The following ID4 variants were observed in gnomAD, a reference collection of about 807,000 sequenced individuals.
ID4 encodes inhibitor of DNA binding 4, also known as DNA-binding protein inhibitor ID-4.
Under a neutral mutation model 8.6 loss-of-function variants are expected in ID4, and 9 were observed. The observed-to-expected ratio is 1.04, with a 90% confidence interval of 0.63 to 1.82. The LOEUF (loss-of-function observed/expected upper bound fraction) is 1.82. ID4 is among the 40% of genes most tolerant of loss of function. The probability of loss-of-function intolerance (pLI) is 0.00; values close to 1 mark genes in which losing one functional copy is unlikely to be tolerated. For synonymous variants in ID4, 180 were observed against 118.0 expected (o/e 1.53, Z -3.41); for missense variants, 270 against 235.1 (o/e 1.15, Z -0.97).
chr6:19,840,776 T>G lies in ID4; in HGVS notation c.*1581T>G, dbSNP rs1314661744. On this transcript the variant is annotated 3_prime_UTR_variant, in exon 3 of 3. Transcript: ENST00000378700. ...CTTAAGGAAGGTAATATTTTCTAGG[T>G]TAGATAGGACTATCAGGGTTTGTGA... 3.3e-5 allele frequency: 5 copies of G among 152,140 alleles called. No homozygotes were observed. Among genetic ancestry groups the G allele is most frequent in the African/African-American group, 4.8e-5 (2 of 41,448 alleles). The allele number at this position is 152,140 out of a possible 1,614,324, so 9.4% of individuals were successfully genotyped here. A position where few individuals can be genotyped will look rare whatever the true frequency, so the allele number is the denominator to read the frequency against.
chr6:19,839,036 T>C (rs886173016), intron 2 of ID4, 174 bp from the exon 3 acceptor site: 2 of 204,006 alleles, frequency 9.8e-6, no homozygotes, highest in Admixed American at 5.5e-5. Flanking sequence ...TCTCCGGGCT[T>C]CCCGAGGGCC....
In ID4 at chr6:19,837,719, A is replaced by G; in HGVS notation, c.-36A>G. 1 of 1,103,254 alleles carries G rather than the reference A, an allele frequency of 9.1e-7. No homozygotes were observed. The highest frequency in any genetic ancestry group is 1.1e-6 in the Non-Finnish European group (1 of 905,244). 68.3% of individuals were successfully genotyped at this position (1,103,254 alleles called of 1,614,324 possible). On this transcript the variant is annotated 5_prime_UTR_variant, in exon 1 of 3. Coordinates refer to ENST00000378700, the MANE Select transcript of ID4 (RefSeq NM_001546.4). ...CTTGCCTGCCTCCCTCGCTCGCCCC[A>G]GCGGGTTCGCTCGCGTAGAGCGCAG...
At position 19,837,557 on chromosome 6, in the gene ID4, C is replaced by G. The variant is rs1293819786; in HGVS notation, c.-198C>G. The G allele has an allele frequency of 1.4e-4, 33 of 244,434 alleles. No homozygotes were observed. The highest frequency in any genetic ancestry group is 7.6e-4 in the African/African-American group (33 of 43,178). The allele number at this position is 244,434 out of a possible 1,614,324, so 15.1% of individuals were successfully genotyped here. On this transcript the variant is annotated 5_prime_UTR_variant, in exon 1 of 3. Coordinates refer to ENST00000378700, the MANE Select transcript of ID4 (RefSeq NM_001546.4). ...TCCTTTGGGCTCGGGCTGAGTGTCG[C>G]CCACTGAGCAAAGATTCCCTCGTAA...
chr6:19,837,602 G>C lies in ID4; in HGVS notation c.-153G>C. On this transcript the variant is annotated 5_prime_UTR_variant, in exon 1 of 3. Coordinates refer to ENST00000378700, the MANE Select transcript of ID4 (RefSeq NM_001546.4). ...TCGTAAAACCCAGAGCGACCCTCCC[G>C]TCAATTGTTGGGCTCGGGAGTGTCG... 2.9e-6 allele frequency: 1 copy of C among 348,434 alleles called. No homozygotes were observed. Among genetic ancestry groups the C allele is most frequent in the Admixed American group, 5.8e-5 (1 of 17,274 alleles). 21.6% of individuals were successfully genotyped at this position (348,434 alleles called of 1,614,324 possible). A position where few individuals can be genotyped will look rare whatever the true frequency, so the allele number is the denominator to read the frequency against.
Position 19,838,034 on chromosome 6 carries a change from C to T in ID4, c.280C>T (p.Leu94=), listed in dbSNP as rs1428718491. ...PNKKVSKVEI[L]QHVIDYILDL... is the part of the protein sequence containing the mutation. ...CAAGAAAGTCAGCAAAGTGGAGATCCTGCAGCACGTTATCGACTACATCCT... is the reference window on the plus strand; with the variant it reads ...CAAGAAAGTCAGCAAAGTGGAGATCTTGCAGCACGTTATCGACTACATCCT... Residue 94 remains leucine, a synonymous_variant, in exon 1 of 3, where the codon CTG becomes TTG. Transcript: ENST00000378700. 8 of 1,606,524 alleles carry T rather than the reference C, an allele frequency of 5.0e-6. No homozygotes were observed. The highest frequency in any genetic ancestry group is 2.2e-5 in the East Asian group (1 of 44,464).
Position 19,838,119 on chromosome 6 carries a change from C to G in ID4, c.365C>G (p.Ala122Gly), listed in dbSNP as rs769162564. The change falls in exon 1 of 3, where the codon GCG becomes GGG. Residue 122 changes from alanine to glycine, a missense_variant. This residue lies in a region of ID4 where 107 missense variants were observed against 81.0 expected (regional missense o/e 1.32). Coordinates refer to ENST00000378700, the MANE Select transcript of ID4 (RefSeq NM_001546.4). ...CTGCTGAGGCAGCCACCACCGCCCGCGCCGCCACACCACCCGGCCGGGACC... is the reference window on the plus strand; with the variant it reads ...CTGCTGAGGCAGCCACCACCGCCCGGGCCGCCACACCACCCGGCCGGGACC... ...PALLRQPPPP[A>G]PPHHPAGTCP... 1.3e-4 allele frequency: 203 copies of G among 1,585,026 alleles called. No homozygotes were observed. Among genetic ancestry groups the G allele is most frequent in the Admixed American group, 6.0e-4 (34 of 56,418 alleles).
Position 19,840,013 on chromosome 6 carries a change from AGATGTT to A in ID4, c.*819_*824del, listed in dbSNP as rs1761325353. On this transcript the variant is annotated 3_prime_UTR_variant, in exon 3 of 3. Coordinates refer to ENST00000378700, the MANE Select transcript of ID4 (RefSeq NM_001546.4). ...GCTAGTGGTCTTGCATGATTGCATG[AGATGTT>A]TAATCACAAATTAAACTTGTTCTGA... 6.6e-6 allele frequency: 1 copy of A among 152,558 alleles called. No homozygotes were observed. The highest frequency in any genetic ancestry group is 2.1e-4 in the South Asian group (1 of 4,836). 9.5% of individuals were successfully genotyped at this position (152,558 alleles called of 1,614,324 possible).
intron 2 of ID4, 125 bp from the exon 3 acceptor site, chr6:19,839,085 G>A (rs969781470): frequency 9.5e-6 from 2 of 211,588 alleles, no homozygotes; most frequent in Non-Finnish European, 1.9e-5. Context: ...CCGCGGGCGG[G>A]TGTTGTCTGA....
chr6:19,840,924 CTGTT>C lies in ID4; in HGVS notation c.*1732_*1735del, dbSNP rs1581596967. Among the ~76,000 whole-genome samples, 3 of 152,100 alleles carry C rather than the reference CTGTT, an allele frequency of 2.0e-5. No homozygotes were observed. Among genetic ancestry groups the C allele is most frequent in the South Asian group, 2.1e-4 (1 of 4,822 alleles). ...TAGTCAACTGTGTGTATAACGTGGT[CTGTT>C]TGATTTTTAAAAGGAAAGGATTTGT... On this transcript the variant is annotated 3_prime_UTR_variant, in exon 3 of 3. Coordinates refer to ENST00000378700, the MANE Select transcript of ID4 (RefSeq NM_001546.4).
rs200906524 is a variant in ID4, at chr6:19,838,575, C to G, written c.442-9C>G. 2 of 1,613,996 alleles carry G rather than the reference C, an allele frequency of 1.2e-6. No individual in the cohort carries two copies. Among genetic ancestry groups the G allele is most frequent in the Admixed American group, 1.7e-5 (1 of 60,030 alleles). On this transcript the variant is annotated splice_polypyrimidine_tract_variant and intron_variant, in intron 1 of 2. Coordinates refer to ENST00000378700, the MANE Select transcript of ID4 (RefSeq NM_001546.4). ...TAACCTTTCCCTTGGTGTTCGGTTG[C>G]TGTTCCAGGCCGGCGCGGTGAACAA...
Position 19,840,145 on chromosome 6 carries a change from T to C in ID4, c.*950T>C, listed in dbSNP as rs1478427194. ...ATCAGTTTTTAAGTACAGGGTTTTA[T>C]AGTGTAATATATACAGAGTAAGTGT... is the stretch of plus-strand genomic sequence containing the variant. On this transcript the variant is annotated 3_prime_UTR_variant, in exon 3 of 3. Coordinates refer to ENST00000378700, the MANE Select transcript of ID4 (RefSeq NM_001546.4). 3.3e-5 allele frequency: 5 copies of C among 152,652 alleles called. No individual in the cohort carries two copies. 9.5% of individuals were successfully genotyped at this position (152,652 alleles called of 1,614,324 possible).
chr6:19,839,797 T>C lies in ID4; in HGVS notation c.*602T>C, dbSNP rs1761320396. 6.6e-6 allele frequency: 1 copy of C among 152,214 alleles called. No individual in the cohort carries two copies. The highest frequency in any genetic ancestry group is 6.5e-5 in the Admixed American group (1 of 15,278). 9.4% of individuals were successfully genotyped at this position (152,214 alleles called of 1,614,324 possible). A position where few individuals can be genotyped will look rare whatever the true frequency, so the allele number is the denominator to read the frequency against. The stretch of plus-strand genomic sequence containing the variant: ...TTTAATAGATACTGTAATTATAAGA[T>C]ATTTTTAATTAAATATTTTTTTGTA... On this transcript the variant is annotated 3_prime_UTR_variant, in exon 3 of 3. Transcript: ENST00000378700.
chr6:19,837,930 A>T lies in ID4; in HGVS notation c.176A>T (p.Glu59Val). 1.4e-6 allele frequency: 2 copies of T among 1,472,144 alleles called. No individual in the cohort carries two copies. Among genetic ancestry groups the T allele is most frequent in the Non-Finnish European group, 1.8e-6 (2 of 1,106,400 alleles). The allele number at this position is 1,472,144 out of a possible 1,614,324, so 91.2% of individuals were successfully genotyped here. Residue 59 changes from glutamate to valine, a missense_variant, in exon 1 of 3, where the codon GAG (glutamate) becomes GTG (valine). Transcript: ENST00000378700. ...AAGGCGGCCGAGGCGGCGGCCGACG[A>T]GCCGGCGCTGTGCCTGCAGTGCGAT... The part of the protein sequence containing the change: ...RCKAAEAAAD[E>V]PALCLQCDMN...
At position 19,839,437 on chromosome 6, in the gene ID4, A is replaced by G. The variant is rs1459596688; in HGVS notation, c.*242A>G. 6.6e-6 allele frequency: 1 copy of G among 152,576 alleles called. No homozygotes were observed. Among genetic ancestry groups the G allele is most frequent in the East Asian group, 1.9e-4 (1 of 5,190 alleles). 9.5% of individuals were successfully genotyped at this position (152,576 alleles called of 1,614,324 possible). A position where few individuals can be genotyped will look rare whatever the true frequency, so the allele number is the denominator to read the frequency against. ...ATTCTCTTTTGTCTCTTCATTTATA[A>G]CTGCTGTGAATTGTACATTTCTGTG... On this transcript the variant is annotated 3_prime_UTR_variant, in exon 3 of 3. Coordinates refer to ENST00000378700, the MANE Select transcript of ID4 (RefSeq NM_001546.4).
In ID4 at chr6:19,838,174, C is replaced by T; in HGVS notation, c.420C>T (p.Leu140=). The T allele has an allele frequency of 6.7e-7, 1 of 1,491,060 alleles. No individual in the cohort carries two copies. The highest frequency in any genetic ancestry group is 8.9e-7 in the Non-Finnish European group (1 of 1,120,298). 92.4% of individuals were successfully genotyped at this position (1,491,060 alleles called of 1,614,324 possible). Residue 140 remains leucine, a synonymous_variant, in exon 1 of 3, where the codon CTC becomes CTT. Transcript: ENST00000378700. ...CAGCCGCGCCGCCGCGGACCCCGCT[C>T]ACTGCGCTCAACACCGACCCGGTGA... ...TCPAAPPRTP[L]TALNTDPAGA...
chr6:19,838,455 C>T (rs1462966715), intron 1 of ID4, 129 bp from the exon 2 acceptor site: 14 of 1,233,382 alleles, frequency 1.1e-5, no homozygotes, highest in Non-Finnish European at 1.5e-5. Flanking sequence ...CCCGGAGGGG[C>T]CCCCCCGGCT....
At position 19,840,213 on chromosome 6, in the gene ID4, A is replaced by AT. The variant is rs1274709156; in HGVS notation, c.*1022dup. The AT allele has an allele frequency of 6.6e-6, 1 of 152,504 alleles. No individual in the cohort carries two copies. Among genetic ancestry groups the AT allele is most frequent in the African/African-American group, 2.4e-5 (1 of 41,398 alleles). 9.4% of individuals were successfully genotyped at this position (152,504 alleles called of 1,614,324 possible). A position where few individuals can be genotyped will look rare whatever the true frequency, so the allele number is the denominator to read the frequency against. On this transcript the variant is annotated 3_prime_UTR_variant, in exon 3 of 3. Transcript: ENST00000378700. ...CTGAGGTCAAAATGGATTCTGAATG[A>AT]TTTTGCATATGGGATGAGGAAATGC... is the stretch of plus-strand genomic sequence containing the variant.
At position 19,837,837 on chromosome 6, in the gene ID4, T is replaced by G. The variant is rs1761254111; in HGVS notation, c.83T>G (p.Leu28Arg). 2.0e-5 allele frequency: 23 copies of G among 1,167,246 alleles called. No homozygotes were observed. The highest frequency in any genetic ancestry group is 4.1e-5 in the East Asian group (1 of 24,658). The allele number at this position is 1,167,246 out of a possible 1,614,324, so 72.3% of individuals were successfully genotyped here. ...CGGGELALRC[L>R]AEHGHSLGGS... Reference sequence around the variant, plus strand: ...GGCGGGGAGCTGGCGCTGCGCTGCCTGGCCGAGCACGGCCACAGCCTGGGT... The same window carrying G: ...GGCGGGGAGCTGGCGCTGCGCTGCCGGGCCGAGCACGGCCACAGCCTGGGT... The change falls in exon 1 of 3, where the codon CTG (leucine) becomes CGG (arginine). Residue 28 changes from leucine to arginine, a missense_variant. Around this residue, in one of 3 missense-constraint regions of ID4, gnomAD observed 160 missense variants for 131.5 expected, o/e 1.22. Transcript: ENST00000378700.
chr6:19,841,023 A>T lies in ID4; in HGVS notation c.*1828A>T, dbSNP rs958984314. On this transcript the variant is annotated 3_prime_UTR_variant, in exon 3 of 3. Transcript: ENST00000378700. The stretch of plus-strand genomic sequence containing the variant: ...CTTATGAGGTCAAATTCAGATATTT[A>T]TATGAATATGAAATACCATGGTCCC... 4.6e-5 allele frequency among the ~76,000 whole-genome samples: 7 copies of T among 152,220 alleles called. No individual in the cohort carries two copies. The highest frequency in any genetic ancestry group is 7.4e-5 in the Non-Finnish European group (5 of 68,020).
Sources: gnomAD v4.1 joint callset for allele counts (sites outside exome capture counted in the v4.1 genomes callset) on GRCh38, gnomAD v4.1.1 for gene constraint, gnomAD v4.1.1 regional missense constraint, MANE v1.5 for transcripts, NCBI Gene and HGNC (gene_info 2026-07-23, HGNC 2026-07-21) for gene names.